ALK: variants seen among roughly 807,000 people sequenced by gnomAD.
ALK encodes ALK tyrosine kinase receptor.
A neutral mutation model predicts 163.1 loss-of-function variants in ALK; 74 were observed. That is an observed-to-expected ratio of 0.45 (90% confidence interval 0.38 to 0.55). ALK has a LOEUF of 0.55. Among genes scored for constraint, ALK ranks in the 20% least tolerant of loss-of-function variants. ALK has a pLI of 0.00. For missense variants in ALK, 2,063 were observed against 2,105.3 expected, an observed-to-expected ratio of 0.98 and a Z score of 0.39; for synonymous variants, 960 against 843.2, an observed-to-expected ratio of 1.14 and a Z score of -2.40.
At chr2:29,351,143 C>T (rs1338501382) in intron 5 of ALK, among the ~76,000 whole-genome samples, 1 of 152,230 alleles carries the variant, frequency 6.6e-6, no homozygotes, top group African/African-American at 2.4e-5. Context: ...TGTTGGGAAA[C>T]ACTGAGTTAT....
chr2:29,423,757 G>T (rs2148069048), intron 4 of ALK, among the ~76,000 whole-genome samples: 1 of 152,210 alleles, frequency 6.6e-6, no homozygotes, highest in Non-Finnish European at 1.5e-5. Context: ...GACCCTCCTA[G>T]GAGGAGGTTT....
In ALK at chr2:29,246,338, C is replaced by T. The variant is rs1164367121; in HGVS notation, c.2204+4767G>A. 6.6e-6 allele frequency among the ~76,000 whole-genome samples: 1 copy of T among 152,086 alleles called. No homozygotes were observed. The highest frequency in any genetic ancestry group is 1.5e-5 in the Non-Finnish European group (1 of 67,982). On this transcript the variant is annotated intron_variant, in intron 12 of 28. Transcript: ENST00000389048. This position sits in a 1 kb window ranked among gnomAD's most constrained non-coding sequence, Gnocchi z 4.3. ...GGCTCTCACTGAGTCCCCCAACAGC[C>T]CTCTCAGAGCTGGGCTGTGCCATCA...
At position 29,193,324 on chromosome 2, in the gene ALK, T is replaced by G. The variant is rs2148137204; in HGVS notation, c.4763A>C (p.Gln1588Pro). ...PCGNVNYGYQ[Q>P]QGLPLEAATA... ...AGCGGCTTCTAAGGGCAAGCCCTGT[T>G]GCTGGTAGCCGTAATTGACATTCCC... The change falls in exon 29 of 29, where the codon CAA becomes CCA. Residue 1588 changes from glutamine to proline, a missense_variant. Around this residue, in one of 5 missense-constraint regions of ALK, gnomAD observed 403 missense variants for 366.2 expected, o/e 1.10. Transcript: ENST00000389048. The G allele has an allele frequency of 6.2e-7, 1 of 1,614,190 alleles. No individual in the cohort carries two copies. Among genetic ancestry groups the G allele is most frequent in the Non-Finnish European group, 8.5e-7 (1 of 1,180,020 alleles).
chr2:29,356,642 C>A (rs181727674), intron 5 of ALK, among the ~76,000 whole-genome samples: 2 of 152,198 alleles, frequency 1.3e-5, no homozygotes, highest in Non-Finnish European at 2.9e-5. Context: ...TCAGAAACCT[C>A]AAACTTGTTC....
chr2:29,620,252 G>A (rs1675991499), intron 3 of ALK, among the ~76,000 whole-genome samples: 1 of 152,066 alleles, frequency 6.6e-6, no homozygotes, highest in African/African-American at 2.4e-5. Flanking sequence ...CCTTCAGAGG[G>A]CTGTGAGGGA....
chr2:29,355,222 G>A lies in ALK; in HGVS notation c.1283-26741C>T, dbSNP rs184719520. ...TGTGTGGTGCATTCACAGATGAGAT[G>A]TCTTTTGATTCTACAACACCCCTGT... is the stretch of plus-strand genomic sequence containing the variant. On this transcript the variant is annotated intron_variant, in intron 5 of 28. Coordinates refer to ENST00000389048, the MANE Select transcript of ALK (RefSeq NM_004304.5). 6.6e-5 allele frequency among the ~76,000 whole-genome samples: 10 copies of A among 152,302 alleles called. No homozygotes were observed. The East Asian group carries it at 1.9e-3, about 29-fold the overall frequency.
At chr2:29,497,943 A>G (rs1672073176) in intron 4 of ALK, among the ~76,000 whole-genome samples, 1 of 152,184 alleles carries the variant, frequency 6.6e-6, no homozygotes, top group South Asian at 2.1e-4. Flanking sequence ...AGAACTCCTG[A>G]TATTGTTATA....
Position 29,728,564 on chromosome 2 carries a change from G to A in ALK, c.668-10867C>T, listed in dbSNP as rs561095116. Among the ~76,000 whole-genome samples, 58 of 152,316 alleles carry A rather than the reference G, an allele frequency of 3.8e-4. 1 individual carries two copies. Among genetic ancestry groups the A allele is most frequent in the African/African-American group, 1.1e-3 (45 of 41,572 alleles). On this transcript the variant is annotated intron_variant, in intron 1 of 28. Transcript: ENST00000389048. ...GTGAAGGAGACAGACACAACCCTAT[G>A]AGAACGTATGATGAGGGATCTGACT...
chr2:29,617,040 A>G (rs1483850720), intron 3 of ALK, among the ~76,000 whole-genome samples: 1 of 152,092 alleles, frequency 6.6e-6, no homozygotes, highest in African/African-American at 2.4e-5. Context: ...TGTGACACAG[A>G]CCTTCTGAGG....
At chr2:29,548,169 TA>T (rs1558378941) in intron 3 of ALK, among the ~76,000 whole-genome samples, 1 of 152,120 alleles carries the variant, frequency 6.6e-6, no homozygotes, top group Non-Finnish European at 1.5e-5. Flanking sequence ...TGTGGACTAG[TA>T]AAGTAATAAG....
At chr2:29,885,456 C>T in intron 1 of ALK, among the ~76,000 whole-genome samples, 1 of 151,988 alleles carries the variant, frequency 6.6e-6, no homozygotes, top group East Asian at 1.9e-4. Context: ...AGTCATCAAG[C>T]CCAAAACAAT....
chr2:29,307,049 A>T (rs1322263172), intron 8 of ALK, among the ~76,000 whole-genome samples: 2 of 152,334 alleles, frequency 1.3e-5, no homozygotes, highest in African/African-American at 4.8e-5. Flanking sequence ...CATTGTGGCT[A>T]GGCCTAATGC....
At chr2:29,691,872 T>C (rs932106038) in intron 3 of ALK, among the ~76,000 whole-genome samples, 1 of 152,198 alleles carries the variant, frequency 6.6e-6, no homozygotes, top group African/African-American at 2.4e-5. Flanking sequence ...GTAACATCTG[T>C]GGAATTTACA....
At position 29,356,306 on chromosome 2, in the gene ALK, AGAT is replaced by A. The variant is rs796681203; in HGVS notation, c.1282+27423_1282+27425del. 6.7e-4 allele frequency among the ~76,000 whole-genome samples: 102 copies of A among 152,282 alleles called. 1 individual carries two copies. The highest frequency in any genetic ancestry group is 2.3e-3 in the African/African-American group (94 of 41,572). On this transcript the variant is annotated intron_variant, in intron 5 of 28. Coordinates refer to ENST00000389048, the MANE Select transcript of ALK (RefSeq NM_004304.5). ...ATAGTATTATTAACTTCTTTTTTGC[AGAT>A]GAGGAAAATGAGGCTCAGAGAGGTT...
chr2:29,737,890 C>A (rs1289248324), intron 1 of ALK, among the ~76,000 whole-genome samples: 1 of 151,978 alleles, frequency 6.6e-6, no homozygotes, highest in Non-Finnish European at 1.5e-5. Flanking sequence ...TGAAGTTAGA[C>A]CTTGGAAGAA....
At chr2:29,484,367 GCACA>G (rs56989405) in intron 4 of ALK, among the ~76,000 whole-genome samples, 1 of 151,938 alleles carries the variant, frequency 6.6e-6, no homozygotes, top group African/African-American at 2.4e-5. Context: ...ATATATACAA[GCACA>G]CACACATATA....
chr2:29,322,543 C>A (rs1667092494), intron 6 of ALK, among the ~76,000 whole-genome samples: 1 of 152,196 alleles, frequency 6.6e-6, no homozygotes, highest in Admixed American at 6.5e-5. Context: ...GTTTTAAAAA[C>A]CAAGGCCCGA....
At chr2:29,220,993 C>T (rs2148167133) in intron 22 of ALK, 158 bp from the exon 23 acceptor site, 1 of 1,020,872 alleles carries the variant, frequency 9.8e-7, no homozygotes, top group Non-Finnish European at 1.5e-6. Flanking sequence ...TGAGCCTAAA[C>T]CCAGAATCTT....
chr2:29,668,916 G>A (rs776944526), intron 3 of ALK, among the ~76,000 whole-genome samples: 22 of 151,996 alleles, frequency 1.4e-4, no homozygotes, highest in Non-Finnish European at 2.5e-4. Flanking sequence ...TCCCCTTTAC[G>A]CTATGTAAGA....
Sources: allele counts gnomAD v4.1 joint callset (sites outside exome capture counted in the v4.1 genomes callset), GRCh38; gene constraint gnomAD v4.1.1; regional missense constraint gnomAD v4.1.1; non-coding constraint Gnocchi (gnomAD v3.1); transcripts MANE v1.5; gene names NCBI Gene and HGNC (gene_info 2026-07-23, HGNC 2026-07-21).